Variants in CNTNAP2 observed in about 807,000 individuals in gnomAD.
CNTNAP2 encodes the protein contactin associated protein 2.
Under a neutral mutation model 155.2 loss-of-function variants are expected in CNTNAP2, and 98 were observed. The observed-to-expected ratio is 0.63, with a 90% CI of 0.54 to 0.75. CNTNAP2 has a LOEUF of 0.75. CNTNAP2 is among the 30% of genes least tolerant of loss of function. The pLI, the probability that CNTNAP2 is intolerant of heterozygous loss-of-function variation, is 0.00. For synonymous variants in CNTNAP2, 651 were observed against 631.2 expected (o/e 1.03, Z -0.47); for missense variants, 1,727 against 1,688.1 (o/e 1.02, Z -0.40).
intron 1 of CNTNAP2, among the ~76,000 whole-genome samples, chr7:146,617,492 A>G (rs953356454): frequency 4.6e-5 from 7 of 151,826 alleles, no homozygotes; most frequent in East Asian, 1.9e-4. Flanking sequence ...TCATAATTCT[A>G]TGACTCATTA....
At chr7:146,795,721 T>C (rs12111641) in intron 2 of CNTNAP2, among the ~76,000 whole-genome samples, 1 of 152,032 alleles carries the variant, frequency 6.6e-6, no homozygotes, top group African/African-American at 2.4e-5. Flanking sequence ...AGACAAAATC[T>C]TATGGATTCT....
At chr7:147,954,123 C>A (rs2710085) in intron 14 of CNTNAP2, among the ~76,000 whole-genome samples, 70,630 of 151,784 alleles carry the variant, frequency 0.47, 17,764 homozygotes, top group Middle Eastern at 0.7. Flanking sequence ...AATGAGTTAT[C>A]TTCAGGGGAG....
At chr7:146,202,380 T>A (rs1314987532) in intron 1 of CNTNAP2, among the ~76,000 whole-genome samples, 1 of 152,206 alleles carries the variant, frequency 6.6e-6, no homozygotes, top group South Asian at 2.1e-4. Flanking sequence ...AGTCGTCTCT[T>A]GAGTGAATTT....
intron 4 of CNTNAP2, among the ~76,000 whole-genome samples, chr7:147,097,049 T>G (rs1800550049): frequency 6.6e-6 from 1 of 152,212 alleles, no homozygotes; most frequent in Non-Finnish European, 1.5e-5. Context: ...TGTTGTAATA[T>G]ATTGCACCAT....
At chr7:146,564,858 A>G (rs1400668145) in intron 1 of CNTNAP2, among the ~76,000 whole-genome samples, 1 of 151,890 alleles carries the variant, frequency 6.6e-6, no homozygotes, top group Non-Finnish European at 1.5e-5. Context: ...TGAATTTGAT[A>G]CTCCTAAGAA....
At chr7:146,317,065 A>G (rs866805970) in intron 1 of CNTNAP2, among the ~76,000 whole-genome samples, 4 of 152,246 alleles carry the variant, frequency 2.6e-5, no homozygotes, top group African/African-American at 9.6e-5. Flanking sequence ...TCATAGAGTT[A>G]TGAAGATTGA....
At chr7:147,082,278 C>T (rs1370892034) in intron 4 of CNTNAP2, among the ~76,000 whole-genome samples, 1 of 152,166 alleles carries the variant, frequency 6.6e-6, no homozygotes. Context: ...AACATGCTCC[C>T]CTTTTCTTTA....
intron 1 of CNTNAP2, among the ~76,000 whole-genome samples, chr7:146,380,794 T>TCTTTTTC: frequency 9.8e-6 from 1 of 101,984 alleles, no homozygotes; most frequent in African/African-American, 5.2e-5. Flanking sequence ...CTTTTTTTTT[T>TCTTTTTC]TTTTTTTTTT....
chr7:146,143,222 T>G (rs563640943), intron 1 of CNTNAP2, among the ~76,000 whole-genome samples: 1 of 152,302 alleles, frequency 6.6e-6, no homozygotes, highest in African/African-American at 2.4e-5. Flanking sequence ...ACTCAAGACA[T>G]TTTTCTTCAC....
chr7:146,299,465 C>T (rs1800569377), intron 1 of CNTNAP2, among the ~76,000 whole-genome samples: 1 of 152,050 alleles, frequency 6.6e-6, no homozygotes. Flanking sequence ...CTCACAGCAG[C>T]CTAGAACCCC....
chr7:147,044,180 ATATG>A (rs1447286937), intron 4 of CNTNAP2, 126 bp downstream of exon 4: 13 of 982,192 alleles, frequency 1.3e-5, no homozygotes, highest in African/African-American at 8.2e-5. Context: ...ATTTACATAT[ATATG>A]TATCTATGCA....
intron 13 of CNTNAP2, among the ~76,000 whole-genome samples, chr7:147,818,010 T>C (rs1002626211): frequency 6.6e-6 from 1 of 152,062 alleles, no homozygotes; most frequent in African/African-American, 2.4e-5. Context: ...ATTCATTATA[T>C]CATCTTTTCT....
intron 21 of CNTNAP2, among the ~76,000 whole-genome samples, chr7:148,322,949 A>C (rs1190902872): frequency 6.6e-6 from 1 of 152,116 alleles, no homozygotes; most frequent in Non-Finnish European, 1.5e-5. Flanking sequence ...CGCCCCAAAA[A>C]TGTGCCAAAT....
intron 22 of CNTNAP2, among the ~76,000 whole-genome samples, chr7:148,384,826 C>G (rs1799154551): frequency 6.6e-6 from 1 of 152,174 alleles, no homozygotes; most frequent in Non-Finnish European, 1.5e-5. Context: ...TCAGTTTCCC[C>G]ACTTCCTAAA....
At chr7:147,290,379 A>G (rs908338666) in intron 8 of CNTNAP2, among the ~76,000 whole-genome samples, 1 of 152,100 alleles carries the variant, frequency 6.6e-6, no homozygotes, top group Non-Finnish European at 1.5e-5. Flanking sequence ...AAAAGCACCA[A>G]AGTATAAAAA....
intron 3 of CNTNAP2, among the ~76,000 whole-genome samples, chr7:146,945,534 A>G (rs914389059): frequency 3.3e-5 from 5 of 152,160 alleles, no homozygotes; most frequent in African/African-American, 9.7e-5. Flanking sequence ...AGCAACAGCT[A>G]TTTTGAGAGA....
chr7:146,311,607 C>CAAAAAAAAAAA (rs71175646), intron 1 of CNTNAP2: 25 of 38,788 alleles, frequency 6.4e-4, no homozygotes, highest in South Asian at 1.1e-3. Context: ...CTTGTCTTTA[C>CAAAAAAAAAAA]AAAAAAAAAA....
Position 147,289,405 on chromosome 7 carries a change from A to G in CNTNAP2, c.1349-10736A>G, listed in dbSNP as rs544758871. Among the ~76,000 whole-genome samples the G allele has an allele frequency of 8.1e-4, 119 of 147,634 alleles. 1 individual carries two copies. The South Asian group carries it at 0.022, about 28-fold the overall frequency. On this transcript the variant is annotated intron_variant, in intron 8 of 23. Coordinates refer to ENST00000361727, the MANE Select transcript of CNTNAP2 (RefSeq NM_014141.6). ...TATATTCAACAGAGAATCAAATACT[A>G]AAAAAAAAACAGGAGAGACAATTGG...
intron 9 of CNTNAP2, among the ~76,000 whole-genome samples, chr7:147,308,563 G>A (rs1221583611): frequency 1.3e-5 from 2 of 152,158 alleles, no homozygotes; most frequent in South Asian, 2.1e-4. Context: ...TCTTCCTGAC[G>A]AAAAGGCTCA....
Sources: gnomAD v4.1 joint callset for allele counts (sites outside exome capture counted in the v4.1 genomes callset) on GRCh38, gnomAD v4.1.1 for gene constraint, MANE v1.5 for transcripts, NCBI Gene and HGNC (gene_info 2026-07-23, HGNC 2026-07-21) for gene names.